The following PDE4D variants were observed in gnomAD, a reference collection of about 807,000 sequenced individuals.
PDE4D encodes phosphodiesterase 4D.
A neutral mutation model predicts 87.4 loss-of-function variants in PDE4D; 24 were observed. The ratio of observed to expected loss-of-function variants is 0.27; its 90% CI spans 0.20 to 0.39. The LOEUF is 0.39. Among genes scored for constraint, PDE4D ranks in the 10% least tolerant of loss-of-function variants. PDE4D has a pLI of 1.00. For missense variants in PDE4D, 714 were observed against 1,041.0 expected (o/e 0.69, Z 4.32); for synonymous variants, 384 against 383.2 (o/e 1.00, Z -0.02).
chr5:60,044,671 A>T (rs1474271853), intron 2 of PDE4D, among the ~76,000 whole-genome samples: 2 of 152,168 alleles, frequency 1.3e-5, no homozygotes, highest in South Asian at 2.1e-4. Context: ...AATTTCATCC[A>T]TGTCCCTACA....
intron 1 of PDE4D, among the ~76,000 whole-genome samples, chr5:59,514,995 C>G (rs1330074166): frequency 6.6e-6 from 1 of 152,140 alleles, no homozygotes; most frequent in Non-Finnish European, 1.5e-5. Context: ...TTCTATGTAC[C>G]TATATGTGTA....
chr5:59,595,059 AC>A (rs1355907808), intron 1 of PDE4D, among the ~76,000 whole-genome samples: 2 of 152,198 alleles, frequency 1.3e-5, no homozygotes, highest in Non-Finnish European at 2.9e-5. Flanking sequence ...TAAAGTTTTT[AC>A]AAAGTTACAT....
chr5:59,597,071 G>C (rs1288511434), intron 1 of PDE4D, among the ~76,000 whole-genome samples: 2 of 152,052 alleles, frequency 1.3e-5, no homozygotes, highest in Non-Finnish European at 2.9e-5. Context: ...TGCTATACTT[G>C]TTTCTGTTAA....
At chr5:59,235,052 T>C (rs1277466364) in intron 1 of PDE4D, among the ~76,000 whole-genome samples, 2 of 152,160 alleles carry the variant, frequency 1.3e-5, no homozygotes, top group Non-Finnish European at 2.9e-5. Context: ...AAAAATAAAA[T>C]CCAAACCACA....
At chr5:59,906,284 T>C (rs535592856) in intron 3 of PDE4D, among the ~76,000 whole-genome samples, 2 of 152,260 alleles carry the variant, frequency 1.3e-5, no homozygotes, top group South Asian at 2.1e-4. Context: ...CAGGTTCCTA[T>C]CTATTTTTAA....
chr5:59,801,843 G>T (rs2938781), intron 1 of PDE4D, among the ~76,000 whole-genome samples: 24,943 of 152,062 alleles, frequency 0.16, 2,270 homozygotes, highest in Middle Eastern at 0.27. Context: ...CTTCAGACAG[G>T]AAATGCAGAA....
At chr5:60,502,636 G>T (rs975569142) in intron 1 of PDE4D, among the ~76,000 whole-genome samples, 1 of 152,158 alleles carries the variant, frequency 6.6e-6, no homozygotes, top group African/African-American at 2.4e-5. Flanking sequence ...TCTGACAAAG[G>T]AGAGAGTTTT....
intron 1 of PDE4D, among the ~76,000 whole-genome samples, chr5:60,415,937 A>C (rs1358458956): frequency 6.6e-6 from 1 of 152,174 alleles, no homozygotes; most frequent in Non-Finnish European, 1.5e-5. Context: ...TAAATGCACC[A>C]ATCAGCACTC....
chr5:59,908,936 C>G (rs1215513076), intron 3 of PDE4D, among the ~76,000 whole-genome samples: 2 of 152,126 alleles, frequency 1.3e-5, no homozygotes, highest in African/African-American at 4.8e-5. Context: ...TTCCCATACC[C>G]ATCATTTGAT....
chr5:60,392,786 T>C (rs968703613), intron 1 of PDE4D, among the ~76,000 whole-genome samples: 1 of 152,172 alleles, frequency 6.6e-6, no homozygotes, highest in Admixed American at 6.5e-5. Context: ...AAAAAAAAAT[T>C]TAAGCAAAAT....
chr5:59,369,998 ATC>A (rs1348621277), intron 1 of PDE4D, among the ~76,000 whole-genome samples: 1 of 152,134 alleles, frequency 6.6e-6, no homozygotes, highest in Non-Finnish European at 1.5e-5. Context: ...TCTTTGACTC[ATC>A]TCTTTTTCTC....
chr5:59,318,668 A>T (rs1454830554), intron 1 of PDE4D, among the ~76,000 whole-genome samples: 3 of 152,172 alleles, frequency 2.0e-5, no homozygotes, highest in African/African-American at 7.2e-5. Context: ...AAAATAAATT[A>T]AAAATATGAA....
At chr5:58,976,668 T>C (rs796642540) in intron 12 of PDE4D, among the ~76,000 whole-genome samples, 196 bp from the exon 13 acceptor site, 6 of 152,320 alleles carry the variant, frequency 3.9e-5, no homozygotes, top group African/African-American at 9.6e-5. Flanking sequence ...GATAAATGTG[T>C]GTAATATACA....
intron 5 of PDE4D, among the ~76,000 whole-genome samples, chr5:59,129,540 C>T (rs1026196192): frequency 6.6e-6 from 1 of 152,200 alleles, no homozygotes; most frequent in East Asian, 1.9e-4. Context: ...TGGTTTGTAA[C>T]ATTGCTTGCT....
chr5:59,224,515 ACTTG>A (rs1395923651), intron 1 of PDE4D, among the ~76,000 whole-genome samples: 1 of 152,196 alleles, frequency 6.6e-6, no homozygotes, highest in Admixed American at 6.5e-5. Context: ...GATAAGCTGG[ACTTG>A]CTTAGCACAC....
intron 1 of PDE4D, among the ~76,000 whole-genome samples, chr5:60,194,299 T>C (rs1740954462): frequency 6.6e-6 from 1 of 151,732 alleles, no homozygotes. Flanking sequence ...ACAAATTATC[T>C]GACTAGAACT....
At chr5:59,342,845 G>A (rs888180975) in intron 1 of PDE4D, among the ~76,000 whole-genome samples, 3 of 152,148 alleles carry the variant, frequency 2.0e-5, no homozygotes, top group East Asian at 3.9e-4. Flanking sequence ...TTTATAGTGC[G>A]CAAGATGATG....
chr5:58,978,321 G>A (rs567529977), intron 11 of PDE4D, among the ~76,000 whole-genome samples: 1 of 151,602 alleles, frequency 6.6e-6, no homozygotes, highest in African/African-American at 2.4e-5. Context: ...TGCTGAGGTA[G>A]GAGGATTGCT....
At chr5:59,352,921 T>C (rs531174523) in intron 1 of PDE4D, among the ~76,000 whole-genome samples, 8 of 152,310 alleles carry the variant, frequency 5.3e-5, no homozygotes, top group African/African-American at 1.9e-4. Flanking sequence ...AAGGAAAAGA[T>C]GTTGAAACAA....
Sources: allele counts gnomAD v4.1 joint callset (sites outside exome capture counted in the v4.1 genomes callset), GRCh38; gene constraint gnomAD v4.1.1; transcripts MANE v1.5; gene names NCBI Gene and HGNC (gene_info 2026-07-23, HGNC 2026-07-21).